The following DOCK2 variants were observed in gnomAD, a reference collection of about 807,000 sequenced individuals.
DOCK2 encodes the protein dedicator of cytokinesis 2.
A neutral mutation model predicts 248.9 loss-of-function variants in DOCK2; 87 were observed. That is an observed-to-expected ratio of 0.35 (90% CI 0.29 to 0.42). DOCK2 has a LOEUF of 0.42. Among genes scored for constraint, DOCK2 ranks in the 10% least tolerant of loss-of-function variants. The probability of loss-of-function intolerance (pLI) is 1.00; values close to 1 mark genes in which losing one functional copy is unlikely to be tolerated. For synonymous variants in DOCK2, 805 were observed against 821.6 expected, an observed-to-expected ratio of 0.98 and a Z score of 0.35; for missense variants, 1,747 against 2,300.2, an observed-to-expected ratio of 0.76 and a Z score of 4.92.
chr5:170,021,913 G>A (rs1336523297), intron 33 of DOCK2, among the ~76,000 whole-genome samples: 1 of 152,154 alleles, frequency 6.6e-6, no homozygotes, highest in East Asian at 1.9e-4. Context: ...TAGAATCCAG[G>A]AGGGCTGGTG....
At chr5:169,948,943 T>C (rs1384389912) in intron 27 of DOCK2, among the ~76,000 whole-genome samples, 1 of 151,322 alleles carries the variant, frequency 6.6e-6, no homozygotes, top group Non-Finnish European at 1.5e-5. Flanking sequence ...ATTTGTGAAA[T>C]TATCAAATTA....
intron 29 of DOCK2, among the ~76,000 whole-genome samples, chr5:169,990,657 A>G (rs997201279): frequency 3.3e-5 from 5 of 152,218 alleles, no homozygotes; most frequent in African/African-American, 9.6e-5. Flanking sequence ...TAGGTATCCC[A>G]GCGGCTCAAG....
chr5:169,778,976 C>T (rs181228578), intron 25 of DOCK2, among the ~76,000 whole-genome samples: 24 of 152,240 alleles, frequency 1.6e-4, no homozygotes, highest in East Asian at 5.8e-4. Flanking sequence ...GTTAGCATCA[C>T]GTGAAAAATT....
intron 27 of DOCK2, among the ~76,000 whole-genome samples, chr5:169,940,214 G>A (rs1776182013): frequency 6.6e-6 from 1 of 152,188 alleles, no homozygotes; most frequent in Non-Finnish European, 1.5e-5. Flanking sequence ...AGGTAGAACT[G>A]TGCTGAGAAG....
intron 32 of DOCK2, among the ~76,000 whole-genome samples, chr5:170,015,261 A>G (rs571513854): frequency 3.3e-5 from 5 of 152,286 alleles, no homozygotes; most frequent in South Asian, 2.1e-4. Flanking sequence ...CGACAATTCT[A>G]TTAGGCAGAT....
intron 36 of DOCK2, among the ~76,000 whole-genome samples, chr5:170,037,949 C>T (rs1043247648): frequency 2.0e-5 from 3 of 152,172 alleles, no homozygotes; most frequent in Non-Finnish European, 4.4e-5. Context: ...TCTGCTATTA[C>T]GGCAGATATA....
At position 169,899,345 on chromosome 5, in the gene DOCK2, T is replaced by G. The variant is rs1186621867; in HGVS notation, c.2799+58493T>G. 2.0e-5 allele frequency among the ~76,000 whole-genome samples: 3 copies of G among 152,184 alleles called. No homozygotes were observed. The East Asian group carries it at 5.8e-4, about 29-fold the overall frequency. ...GAGACTTCTCTCACTCTCTGTAAAGTGCAGCCAATTCATATTCTTTCTCCA... is the reference window on the plus strand; with the variant it reads ...GAGACTTCTCTCACTCTCTGTAAAGGGCAGCCAATTCATATTCTTTCTCCA... On this transcript the variant is annotated intron_variant, in intron 27 of 51. Coordinates refer to ENST00000520908, the MANE Select transcript of DOCK2 (RefSeq NM_004946.3).
At chr5:169,696,828 T>G (rs561196068) in intron 10 of DOCK2, among the ~76,000 whole-genome samples, 41 of 151,974 alleles carry the variant, frequency 2.7e-4, no homozygotes, top group East Asian at 1.4e-3. Context: ...TCACTGTTTT[T>G]TTTTTTTTTT....
At chr5:169,699,904 G>A (rs891261372) in intron 12 of DOCK2, 110 bp from the exon 13 acceptor site, 3 of 1,502,472 alleles carry the variant, frequency 2.0e-6, no homozygotes, top group Non-Finnish European at 2.7e-6. Context: ...GTGGCTGTAT[G>A]ACTCTGTTCC....
intron 27 of DOCK2, among the ~76,000 whole-genome samples, chr5:169,879,776 C>A (rs751951028): frequency 6.6e-6 from 1 of 152,164 alleles, no homozygotes; most frequent in Non-Finnish European, 1.5e-5. Context: ...TAAAGACCCT[C>A]ATTTTTCAGA....
At chr5:169,708,032 G>A in intron 14 of DOCK2, 137 bp from the exon 15 acceptor site, 3 of 740,892 alleles carry the variant, frequency 4.0e-6, no homozygotes, top group South Asian at 3.5e-5. Flanking sequence ...GCCATTATGG[G>A]CACCTGGCAT....
intron 32 of DOCK2, 47 bp from the exon 33 acceptor site, chr5:170,018,913 T>C (rs746116652): frequency 1.9e-6 from 3 of 1,600,484 alleles, no homozygotes; most frequent in Non-Finnish European, 2.6e-6. Context: ...GGAGGACCTG[T>C]GCGTCGCCGA....
chr5:169,813,204 G>T (rs758126697), intron 26 of DOCK2, among the ~76,000 whole-genome samples: 1 of 152,122 alleles, frequency 6.6e-6, no homozygotes, highest in Non-Finnish European at 1.5e-5. Context: ...TTAAATAACC[G>T]TTATCATCAA....
At chr5:169,833,625 A>G (rs1176542309) in intron 26 of DOCK2, among the ~76,000 whole-genome samples, 2 of 152,200 alleles carry the variant, frequency 1.3e-5, no homozygotes, top group Admixed American at 1.3e-4. Flanking sequence ...TTGAAGGTGT[A>G]TTCAATAAAG....
intron 47 of DOCK2, 55 bp from the exon 48 acceptor site, chr5:170,077,655 C>A: frequency 6.2e-7 from 1 of 1,602,738 alleles, no homozygotes; most frequent in Non-Finnish European, 8.5e-7. Flanking sequence ...GACAGGAAGG[C>A]TGGGGCCACC....
intron 27 of DOCK2, among the ~76,000 whole-genome samples, chr5:169,973,875 C>G (rs1777615389): frequency 6.6e-6 from 1 of 152,180 alleles, no homozygotes; most frequent in South Asian, 2.1e-4. Context: ...TCTATTCATT[C>G]ATTCATCTGT....
At chr5:169,790,131 A>G (rs17559736) in intron 25 of DOCK2, among the ~76,000 whole-genome samples, 18,733 of 152,226 alleles carry the variant, frequency 0.12, 1,437 homozygotes, top group Non-Finnish European at 0.17. Context: ...GCTTGAATCC[A>G]GGATAATTTT....
intron 29 of DOCK2, among the ~76,000 whole-genome samples, chr5:169,991,518 A>T (rs1261731962): frequency 6.6e-6 from 1 of 152,186 alleles, no homozygotes; most frequent in Non-Finnish European, 1.5e-5. Context: ...GAAAGGATGG[A>T]TCTACTTCTG....
intron 22 of DOCK2, among the ~76,000 whole-genome samples, chr5:169,733,134 C>A (rs2113632333): frequency 6.6e-6 from 1 of 152,152 alleles, no homozygotes; most frequent in African/African-American, 2.4e-5. Flanking sequence ...CCTGATTTTT[C>A]TGTCCTTTTT....
Sources: allele counts gnomAD v4.1 joint callset (sites outside exome capture counted in the v4.1 genomes callset), GRCh38; gene constraint gnomAD v4.1.1; transcripts MANE v1.5; gene names NCBI Gene and HGNC (gene_info 2026-07-23, HGNC 2026-07-21).